The following ELMO1 variants were observed in gnomAD, a reference collection of about 807,000 sequenced individuals.
ELMO1 encodes engulfment and cell motility 1.
ELMO1 carries 26 observed loss-of-function variants against 98.9 expected under a neutral mutation model. The observed-to-expected ratio is 0.26, with a 90% confidence interval of 0.19 to 0.36. The LOEUF is 0.36. Among genes scored for constraint, ELMO1 ranks in the 10% least tolerant of loss-of-function variants. The probability of loss-of-function intolerance (pLI) is 1.00; values close to 1 mark genes in which losing one functional copy is unlikely to be tolerated. For missense variants in ELMO1, 627 were observed against 935.2 expected (o/e 0.67, Z 4.30); for synonymous variants, 346 against 346.0 (o/e 1.00, Z 0.00).
chr7:36,977,505 T>C (rs1790657771), intron 16 of ELMO1, among the ~76,000 whole-genome samples: 1 of 152,252 alleles, frequency 6.6e-6, no homozygotes, highest in Non-Finnish European at 1.5e-5. Context: ...CCATTTATAC[T>C]TCTACCCAAG....
intron 13 of ELMO1, among the ~76,000 whole-genome samples, chr7:37,203,217 T>G (rs1004866229): frequency 6.6e-6 from 1 of 152,160 alleles, no homozygotes; most frequent in African/African-American, 2.4e-5. Flanking sequence ...CTGAGCAAAA[T>G]TGTATTTAAT....
chr7:37,091,802 A>T (rs539082592), intron 15 of ELMO1, among the ~76,000 whole-genome samples: 13 of 152,336 alleles, frequency 8.5e-5, no homozygotes, highest in East Asian at 1.9e-4. Flanking sequence ...GCAAAAGGCA[A>T]GTCTTACATG....
chr7:37,366,315 T>A (rs1325796561), intron 1 of ELMO1, among the ~76,000 whole-genome samples: 1 of 152,210 alleles, frequency 6.6e-6, no homozygotes, highest in African/African-American at 2.4e-5. Flanking sequence ...TCGTTTTATA[T>A]CAGACTTTAG....
At chr7:36,993,922 C>T (rs1792030368) in intron 16 of ELMO1, among the ~76,000 whole-genome samples, 1 of 152,172 alleles carries the variant, frequency 6.6e-6, no homozygotes, top group Admixed American at 6.5e-5. Context: ...TACACTGAAC[C>T]TTGAATAAGT....
At chr7:37,137,488 A>C (rs1345040928) in intron 13 of ELMO1, among the ~76,000 whole-genome samples, 2 of 152,200 alleles carry the variant, frequency 1.3e-5, no homozygotes, top group East Asian at 3.8e-4. Context: ...TCATCAGCAC[A>C]TGGAATGCTC....
At chr7:37,240,032 C>CTT (rs796716424) in intron 7 of ELMO1, among the ~76,000 whole-genome samples, 1 of 137,720 alleles carries the variant, frequency 7.3e-6, no homozygotes, top group South Asian at 2.3e-4. Context: ...AATTTTCTTT[C>CTT]TTTTTTTTTT....
intron 15 of ELMO1, among the ~76,000 whole-genome samples, chr7:37,089,502 A>C (rs1419165001): frequency 6.6e-6 from 1 of 152,204 alleles, no homozygotes; most frequent in Non-Finnish European, 1.5e-5. Context: ...TAACCCCCAC[A>C]CAAAAGCATA....
chr7:36,862,152 T>C, intron 20 of ELMO1: 1 of 205,160 alleles, frequency 4.9e-6, no homozygotes, highest in Non-Finnish European at 1.0e-5. Flanking sequence ...CCCAGTAAAC[T>C]CCCAATCAAC....
At chr7:37,390,331 CT>C (rs1383659709) in intron 1 of ELMO1, among the ~76,000 whole-genome samples, 1 of 152,224 alleles carries the variant, frequency 6.6e-6, no homozygotes, top group East Asian at 1.9e-4. Flanking sequence ...CCCGCACTCA[CT>C]GTGCAAGGGA....
rs150392312 is a variant in ELMO1 at position 37,323,924 on chromosome 7, T to C, written c.79-7964A>G. Reference sequence around the variant, plus strand: ...TTCTTTCTTACTAAACAATTCTCTTTTGCCTCTTCTTGATCTCTTAAAAAA... The same window carrying C: ...TTCTTTCTTACTAAACAATTCTCTTCTGCCTCTTCTTGATCTCTTAAAAAA... On this transcript the variant is annotated intron_variant, in intron 2 of 21. Transcript: ENST00000310758. Among the ~76,000 whole-genome samples, 85 of 152,288 alleles carry C rather than the reference T, an allele frequency of 5.6e-4. 1 individual carries two copies. Among genetic ancestry groups the C allele is most frequent in the Non-Finnish European group, 9.3e-4 (63 of 68,026 alleles).
At chr7:37,015,664 C>T (rs143252895) in intron 15 of ELMO1, among the ~76,000 whole-genome samples, 11 of 152,258 alleles carry the variant, frequency 7.2e-5, no homozygotes, top group African/African-American at 2.6e-4. Context: ...CCCTTGGCTT[C>T]AAAGCAGATC....
chr7:37,261,688 C>T (rs555805494), intron 5 of ELMO1, among the ~76,000 whole-genome samples: 38 of 152,234 alleles, frequency 2.5e-4, no homozygotes, highest in Admixed American at 1.9e-3. Context: ...CTGCAACCTC[C>T]GCCTCCCAGA....
intron 14 of ELMO1, chr7:37,116,630 C>T (rs1177898908): frequency 6.7e-6 from 1 of 149,540 alleles, no homozygotes; most frequent in Non-Finnish European, 1.5e-5. Flanking sequence ...TTTTTCTCAA[C>T]AAATCCATCA....
chr7:37,005,692 C>CAAA lies in ELMO1; in HGVS notation c.1437+7604_1437+7606dup, dbSNP rs71553094. Among the ~76,000 whole-genome samples, 149 of 37,492 alleles carry CAAA rather than the reference C, an allele frequency of 4.0e-3. 9 individuals carry two copies. Among genetic ancestry groups the CAAA allele is most frequent in the African/African-American group, 5.0e-3 (71 of 14,248 alleles). 24.6% of individuals were successfully genotyped at this position (37,492 alleles called of 152,430 possible). On this transcript the variant is annotated intron_variant, in intron 16 of 21. Coordinates refer to ENST00000310758, the MANE Select transcript of ELMO1 (RefSeq NM_014800.11). ...GGGTGACAAGAGCGAGACTCTGTCT[C>CAAA]AAAAAAAAAAAAAAAAAAAAAAAAA...
At chr7:37,079,599 G>T (rs537691622) in intron 15 of ELMO1, among the ~76,000 whole-genome samples, 2 of 152,090 alleles carry the variant, frequency 1.3e-5, no homozygotes, top group Middle Eastern at 3.4e-3. Context: ...CCCCCACTCC[G>T]GTGAAATCAC....
intron 15 of ELMO1, among the ~76,000 whole-genome samples, chr7:37,071,862 T>C (rs1200896671): frequency 6.6e-6 from 1 of 152,142 alleles, no homozygotes; most frequent in Non-Finnish European, 1.5e-5. Context: ...CAGACATTTC[T>C]TTGGAATATT....
At chr7:36,909,254 A>G (rs1299897982) in intron 16 of ELMO1, among the ~76,000 whole-genome samples, 1 of 152,228 alleles carries the variant, frequency 6.6e-6, no homozygotes, top group East Asian at 1.9e-4. Context: ...GTAAGTAAAT[A>G]AGAAAGGTGT....
intron 13 of ELMO1, among the ~76,000 whole-genome samples, chr7:37,136,255 G>A (rs1787255721): frequency 1.3e-5 from 2 of 152,176 alleles, no homozygotes; most frequent in Non-Finnish European, 2.9e-5. Flanking sequence ...AATAATTGGT[G>A]TTCCTAAGGA....
At chr7:37,214,955 A>T (rs1404260480) in intron 11 of ELMO1, among the ~76,000 whole-genome samples, 1 of 152,228 alleles carries the variant, frequency 6.6e-6, no homozygotes, top group Non-Finnish European at 1.5e-5. Context: ...TGACTCCCAC[A>T]TCAAGGTAAT....
Sources: gnomAD v4.1 joint callset for allele counts (sites outside exome capture counted in the v4.1 genomes callset) on GRCh38, gnomAD v4.1.1 for gene constraint, MANE v1.5 for transcripts, NCBI Gene and HGNC (gene_info 2026-07-23, HGNC 2026-07-21) for gene names.